The following ZNF264 variants were observed in gnomAD, a reference collection of about 807,000 sequenced individuals.
The protein encoded by ZNF264 is zinc finger protein 264.
Under a neutral mutation model 11.2 loss-of-function variants are expected in ZNF264, and 11 were observed. The ratio of observed to expected loss-of-function variants is 0.98; its 90% CI spans 0.62 to 1.63. The LOEUF is 1.63. ZNF264 is among the 40% of genes most tolerant of loss of function. The pLI, the probability that ZNF264 is intolerant of heterozygous loss-of-function variation, is 0.00. For missense variants in ZNF264, 752 were observed against 768.1 expected (o/e 0.98, Z 0.25); for synonymous variants, 309 against 279.8 (o/e 1.10, Z -1.04).
At position 57,211,667 on chromosome 19, in the gene ZNF264, A is replaced by G. The variant is rs149010228; in HGVS notation, c.570A>G (p.Ser190=). Residue 190 remains serine (S), a synonymous_variant, in exon 4 of 4, where the codon TCA becomes TCG. Transcript: ENST00000263095. ...DRVRSHNSCE[S]GKDPMIQEEE... ...TCCGTAGCCATAACTCATGTGAGTC[A>G]GGTAAAGATCCCATGATTCAGGAAG... is the stretch of plus-strand genomic sequence containing the variant. The G allele has an allele frequency of 2.5e-6, 4 of 1,614,074 alleles. No homozygotes were observed. Among genetic ancestry groups the G allele is most frequent in the African/African-American group, 2.7e-5 (2 of 74,942 alleles).
In ZNF264 at chr19:57,213,027, A is replaced by G. The variant is rs1217790146; in HGVS notation, c.*46A>G. The G allele has an allele frequency of 6.4e-7, 1 of 1,553,472 alleles. No homozygotes were observed. The highest frequency in any genetic ancestry group is 1.9e-5 in the Admixed American group (1 of 53,168). On this transcript the variant is annotated 3_prime_UTR_variant, in exon 4 of 4. Coordinates refer to ENST00000263095, the MANE Select transcript of ZNF264 (RefSeq NM_003417.5). ...TATTACTTGTCATCTGAAGAGTCAT[A>G]TTAGAAATTCGTTCAGTCTAGAGCC...
At position 57,212,944 on chromosome 19, in the gene ZNF264, C is replaced by A. The variant is rs2087352679; in HGVS notation, c.1847C>A (p.Pro616Gln). ...EETSSSASDQ[P>Q]YQRETPQVSS... ...ACATCTTCCTCTGCATCTGATCAAC[C>A]ATACCAAAGAGAAACCCCACAAGTG... Residue 616 changes from proline (P) to glutamine (Q), a missense_variant, in exon 4 of 4, where the codon CCA (proline) becomes CAA (glutamine). Coordinates refer to ENST00000263095, the MANE Select transcript of ZNF264 (RefSeq NM_003417.5). 4 of 1,612,796 alleles carry A rather than the reference C, an allele frequency of 2.5e-6. No homozygotes were observed. The East Asian group carries it at 8.9e-5, about 36-fold the overall frequency.
chr19:57,210,970 T>A (rs2087329983), intron 3 of ZNF264, among the ~76,000 whole-genome samples: 1 of 152,256 alleles, frequency 6.6e-6, no homozygotes, highest in South Asian at 2.1e-4. Context: ...TCACTTCCTG[T>A]CTTCCATGTG....
chr19:57,192,504 C>T (rs2087181514), intron 1 of ZNF264: 7 of 985,344 alleles, frequency 7.1e-6, no homozygotes, highest in Non-Finnish European at 8.4e-6. Context: ...TGTTCCGTGG[C>T]CCCAAAGTAT....
At chr19:57,194,451 A>G (rs1434422794) in intron 2 of ZNF264, among the ~76,000 whole-genome samples, 1 of 152,204 alleles carries the variant, frequency 6.6e-6, no homozygotes. Flanking sequence ...ATAGATATAT[A>G]TAAAAAGGAC....
At chr19:57,194,721 G>C (rs1568471505) in intron 2 of ZNF264, 1 of 398,920 alleles carries the variant, frequency 2.5e-6, no homozygotes, top group Non-Finnish European at 4.4e-6. Flanking sequence ...TAAGGGGGGG[G>C]TCTGCCTTTC....
At chr19:57,196,067 A>C (rs2087209618) in intron 2 of ZNF264, among the ~76,000 whole-genome samples, 1 of 151,842 alleles carries the variant, frequency 6.6e-6, no homozygotes, top group Non-Finnish European at 1.5e-5. Context: ...ACTTTGCCCC[A>C]GCCCTGCAAA....
In ZNF264 at chr19:57,212,673, C is replaced by T. The variant is rs1170279133; in HGVS notation, c.1576C>T (p.Leu526Phe). Residue 526 changes from leucine to phenylalanine, a missense_variant, in exon 4 of 4, where the codon CTC becomes TTC. Leu to Phe is a conservative substitution (Grantham distance 22, BLOSUM62 0). Transcript: ENST00000263095. ...CGKSFCWSTN[L>F]IRHAIIHTGE... ...GAAATCGTTTTGCTGGAGCACAAAC[C>T]TCATTCGACATGCCATTATCCACAC... 6.8e-6 allele frequency: 11 copies of T among 1,614,058 alleles called. No homozygotes were observed. Among genetic ancestry groups the T allele is most frequent in the South Asian group, 2.2e-5 (2 of 91,074 alleles).
intron 3 of ZNF264, among the ~76,000 whole-genome samples, chr19:57,209,838 TCTG>T (rs1430498659): frequency 2.0e-5 from 3 of 152,060 alleles, no homozygotes; most frequent in African/African-American, 7.2e-5. Flanking sequence ...GCTCGAGTAA[TCTG>T]CTCACCTCGG....
At chr19:57,204,471 A>T (rs528055116) in intron 2 of ZNF264, among the ~76,000 whole-genome samples, 46 of 152,304 alleles carry the variant, frequency 3.0e-4, no homozygotes, top group Non-Finnish European at 5.3e-4. Context: ...GTGATAGCAC[A>T]TAAGTCTCAT....
At chr19:57,193,505 A>G (rs2087189996) in intron 1 of ZNF264, 2 of 985,440 alleles carry the variant, frequency 2.0e-6, no homozygotes, top group South Asian at 4.7e-5. Flanking sequence ...AGCCTTCAAC[A>G]TGGGGCAGGC....
At chr19:57,193,394 C>A in intron 1 of ZNF264, 1 of 545,786 alleles carries the variant, frequency 1.8e-6, no homozygotes, top group Non-Finnish European at 2.3e-6. Flanking sequence ...AATCAAGGCT[C>A]AGAGAAATGA....
rs926143644 is a variant in ZNF264 at position 57,213,126 on chromosome 19, C to CATCT, written c.*146_*149dup. On this transcript the variant is annotated 3_prime_UTR_variant, in exon 4 of 4. Transcript: ENST00000263095. ...GTGCACATAGGAGAACCTTCAGCTG[C>CATCT]ATCTTTCTCCTTAGTTTACAGTGCA... The CATCT allele has an allele frequency of 1.5e-6, 1 of 684,770 alleles. No homozygotes were observed. Among genetic ancestry groups the CATCT allele is most frequent in the African/African-American group, 1.8e-5 (1 of 56,004 alleles). The allele number at this position is 684,770 out of a possible 1,614,324, so 42.4% of individuals were successfully genotyped here.
At chr19:57,200,274 G>C (rs780993933) in intron 2 of ZNF264, among the ~76,000 whole-genome samples, 1 of 151,784 alleles carries the variant, frequency 6.6e-6, no homozygotes, top group Non-Finnish European at 1.5e-5. Context: ...ATAGGGATGT[G>C]TGGGAGAACC....
intron 1 of ZNF264, among the ~76,000 whole-genome samples, chr19:57,192,888 C>T (rs2087185275): frequency 7.9e-6 from 1 of 126,450 alleles, no homozygotes; most frequent in Admixed American, 7.6e-5. Flanking sequence ...TGCACTACCA[C>T]ACCTGACTGA....
In ZNF264 at chr19:57,215,089, A is replaced by C. The variant is rs139696288; in HGVS notation, c.*2108A>C. The C allele has an allele frequency of 6.6e-6, 1 of 152,284 alleles. No individual in the cohort carries two copies. Among genetic ancestry groups the C allele is most frequent in the Non-Finnish European group, 1.5e-5 (1 of 68,032 alleles). 9.4% of individuals were successfully genotyped at this position (152,284 alleles called of 1,614,324 possible). A position where few individuals can be genotyped will look rare whatever the true frequency, so the allele number is the denominator to read the frequency against. ...ATGTCTAGGTGATCTTGACCTTTCA[A>C]CATGAATTGGAAGGAGTTCTCTTCT... is the stretch of plus-strand genomic sequence containing the variant. On this transcript the variant is annotated 3_prime_UTR_variant, in exon 4 of 4. Transcript: ENST00000263095.
In ZNF264 at chr19:57,219,305, C is replaced by A. The variant is rs929768941; in HGVS notation, c.*6324C>A. On this transcript the variant is annotated 3_prime_UTR_variant, in exon 4 of 4. Transcript: ENST00000263095. ...TTTTTTAGGCTCTCTGTCATACTTC[C>A]TCGCCTAGTCTTTAACTTGTCTCTG... 1 of 152,156 alleles carries A rather than the reference C, an allele frequency of 6.6e-6. No homozygotes were observed. The highest frequency in any genetic ancestry group is 2.4e-5 in the African/African-American group (1 of 41,428). The allele number at this position is 152,156 out of a possible 1,614,324, so 9.4% of individuals were successfully genotyped here. A position where few individuals can be genotyped will look rare whatever the true frequency, so the allele number is the denominator to read the frequency against.
intron 2 of ZNF264, among the ~76,000 whole-genome samples, chr19:57,200,483 T>A (rs1250215538): frequency 6.6e-6 from 1 of 151,510 alleles, no homozygotes; most frequent in Non-Finnish European, 1.5e-5. Flanking sequence ...GTACCCTGTT[T>A]TACTCCCCCA....
rs747208785 is a variant in ZNF264 at position 57,212,003 on chromosome 19, T to C, written c.906T>C (p.Phe302=). The change falls in exon 4 of 4, where the codon TTT becomes TTC. Residue 302 remains phenylalanine, a synonymous_variant. Transcript: ENST00000263095. ...CGKAFTHRSN[F]VLHNRRHTGE... ...AGGCCTTCACCCACCGCTCCAATTT[T>C]GTCTTGCATAACAGGAGACACACTG... 6.2e-7 allele frequency: 1 copy of C among 1,613,862 alleles called. No individual in the cohort carries two copies. Among genetic ancestry groups the C allele is most frequent in the Non-Finnish European group, 8.5e-7 (1 of 1,179,988 alleles).
Sources: allele counts gnomAD v4.1 joint callset (sites outside exome capture counted in the v4.1 genomes callset), GRCh38; gene constraint gnomAD v4.1.1; transcripts MANE v1.5; gene names NCBI Gene and HGNC (gene_info 2026-07-23, HGNC 2026-07-21).